The following KIAA1549L variants were observed in gnomAD, a reference collection of about 807,000 sequenced individuals.
KIAA1549L encodes the protein KIAA1549 like.
A neutral mutation model predicts 160.7 loss-of-function variants in KIAA1549L; 88 were observed. The ratio of observed to expected loss-of-function variants is 0.55; its 90% CI spans 0.46 to 0.65. The LOEUF (loss-of-function observed/expected upper bound fraction) is 0.65, where lower values mean the gene tolerates loss of function less well. Ranked by LOEUF, KIAA1549L falls within the 30% of genes least tolerant of loss-of-function variation. The pLI, the probability that KIAA1549L is intolerant of heterozygous loss-of-function variation, is 0.00. For synonymous variants in KIAA1549L, 950 were observed against 976.7 expected (o/e 0.97, Z 0.51); for missense variants, 2,258 against 2,437.5 (o/e 0.93, Z 1.55).
chr11:33,557,010 C>T (rs767354905), intron 6 of KIAA1549L, among the ~76,000 whole-genome samples: 39 of 152,168 alleles, frequency 2.6e-4, no homozygotes, highest in Non-Finnish European at 4.7e-4. Flanking sequence ...GTTTTAGAGG[C>T]AGGGTCTGGC....
Position 33,424,039 on chromosome 11 carries a change from A to G in KIAA1549L, c.238+47150A>G, listed in dbSNP as rs1851070587. 2.0e-5 allele frequency among the ~76,000 whole-genome samples: 3 copies of G among 151,958 alleles called. No individual in the cohort carries two copies. In the South Asian group the frequency reaches 6.2e-4, roughly 32 times the overall value. On this transcript the variant is annotated intron_variant, in intron 1 of 20. Transcript: ENST00000658780. ...ATGAGGCTCTGTCTTGGAAAAAAAA[A>G]AAAGAATTGGAAGAATTGTAACAGA... is the stretch of plus-strand genomic sequence containing the variant.
chr11:33,431,750 C>T (rs1395376050), intron 1 of KIAA1549L, among the ~76,000 whole-genome samples: 4 of 152,262 alleles, frequency 2.6e-5, no homozygotes, highest in African/African-American at 2.4e-5. Flanking sequence ...ACCTGCACTT[C>T]TCAGCCCTTG....
chr11:33,457,536 C>T (rs780173481), intron 1 of KIAA1549L, among the ~76,000 whole-genome samples: 17 of 152,232 alleles, frequency 1.1e-4, no homozygotes, highest in Non-Finnish European at 2.4e-4. Flanking sequence ...CCCAGGGGTT[C>T]GTGGTATTTC....
intron 1 of KIAA1549L, among the ~76,000 whole-genome samples, chr11:33,464,950 T>G (rs1381935470): frequency 6.6e-6 from 1 of 151,888 alleles, no homozygotes; most frequent in African/African-American, 2.4e-5. Flanking sequence ...TCTAAGAACA[T>G]GCCTTGGGTC....
chr11:33,554,680 C>T (rs544632253), intron 6 of KIAA1549L, among the ~76,000 whole-genome samples: 1 of 152,308 alleles, frequency 6.6e-6, no homozygotes, highest in South Asian at 2.1e-4. Context: ...CCTACTGTGC[C>T]CTTTCTGGGC....
At chr11:33,436,546 C>A (rs932727838) in intron 1 of KIAA1549L, among the ~76,000 whole-genome samples, 1 of 152,232 alleles carries the variant, frequency 6.6e-6, no homozygotes, top group Non-Finnish European at 1.5e-5. Context: ...CGCACAGACA[C>A]ACTCAGGAAG....
chr11:33,501,501 T>C (rs188584046), intron 1 of KIAA1549L, among the ~76,000 whole-genome samples: 243 of 152,338 alleles, frequency 1.6e-3, no homozygotes, highest in African/African-American at 5.6e-3. Context: ...CTGTATTTGG[T>C]AATCAGACAT....
chr11:33,591,628 C>T (rs1445757864), intron 12 of KIAA1549L, among the ~76,000 whole-genome samples: 2 of 152,216 alleles, frequency 1.3e-5, no homozygotes, highest in Non-Finnish European at 2.9e-5. Context: ...TTTTATGTCT[C>T]TGATAACCAC....
At chr11:33,576,954 G>C (rs1855470239) in intron 10 of KIAA1549L, among the ~76,000 whole-genome samples, 1 of 152,164 alleles carries the variant, frequency 6.6e-6, no homozygotes, top group Non-Finnish European at 1.5e-5. Context: ...GTGACATTTA[G>C]AGCTAAGGGA....
At chr11:33,478,806 G>A (rs559987353) in intron 1 of KIAA1549L, among the ~76,000 whole-genome samples, 15 of 152,194 alleles carry the variant, frequency 9.9e-5, no homozygotes, top group African/African-American at 3.1e-4. Flanking sequence ...GCACGATCTC[G>A]GCTCACTGCA....
chr11:33,407,668 C>T (rs1850695012), intron 1 of KIAA1549L, among the ~76,000 whole-genome samples: 1 of 152,102 alleles, frequency 6.6e-6, no homozygotes, highest in African/African-American at 2.4e-5. Flanking sequence ...TTAATTCCTT[C>T]AAACCACCCA....
chr11:33,586,815 T>C (rs1007524164), intron 11 of KIAA1549L, among the ~76,000 whole-genome samples: 2 of 152,148 alleles, frequency 1.3e-5, no homozygotes, highest in African/African-American at 4.8e-5. Flanking sequence ...CTCAGTTGCT[T>C]TATCTGTAAA....
At position 33,543,022 on chromosome 11, in the gene KIAA1549L, T is replaced by C. The variant is rs1590325254; in HGVS notation, c.1459T>C (p.Ser487Pro). The C allele has an allele frequency of 6.2e-7, 1 of 1,614,012 alleles. No homozygotes were observed. ...TTLGQEQAIL[S>P]GAVPASPSTG... is the part of the protein sequence containing the mutation. ...ACTGGGTCAAGAGCAAGCCATCCTT[T>C]CTGGGGCGGTTCCCGCATCACCATC... The change falls in exon 2 of 21, where the codon TCT becomes CCT. Residue 487 changes from serine to proline, a missense_variant. This residue lies in a region of KIAA1549L where 540 missense variants were observed against 465.7 expected (regional missense o/e 1.16). Coordinates refer to ENST00000658780, the MANE Select transcript of KIAA1549L (RefSeq NM_012194.3).
At chr11:33,526,981 T>A (rs1255318326) in intron 1 of KIAA1549L, among the ~76,000 whole-genome samples, 1 of 152,080 alleles carries the variant, frequency 6.6e-6, no homozygotes, top group Non-Finnish European at 1.5e-5. Context: ...CTTTTGGAAA[T>A]GAAAGACATA....
Position 33,435,802 on chromosome 11 carries a change from A to ATGTG in KIAA1549L, c.238+58914_238+58915insGTGT, listed in dbSNP as rs1197036690. ...TATATATATATATATATATATATATATATATATATGTGTGTGTATATATAT... is the reference window on the plus strand; with the variant it reads ...TATATATATATATATATATATATATATGTGTATATATATGTGTGTGTATATATAT... On this transcript the variant is annotated intron_variant, in intron 1 of 20. Coordinates refer to ENST00000658780, the MANE Select transcript of KIAA1549L (RefSeq NM_012194.3). Among the ~76,000 whole-genome samples, 7 of 16,466 alleles carry ATGTG rather than the reference A, an allele frequency of 4.3e-4. 1 individual carries two copies. Among genetic ancestry groups the ATGTG allele is most frequent in the African/African-American group, 2.4e-3 (6 of 2,532 alleles). The allele number at this position is 16,466 out of a possible 152,430, so 10.8% of individuals were successfully genotyped here.
chr11:33,435,116 C>G (rs1393964661), intron 1 of KIAA1549L, among the ~76,000 whole-genome samples: 1 of 152,136 alleles, frequency 6.6e-6, no homozygotes, highest in African/African-American at 2.4e-5. Context: ...AAAGATTAAT[C>G]ATAAAAGTTC....
Position 33,542,893 on chromosome 11 carries a change from T to G in KIAA1549L, c.1330T>G (p.Ser444Ala). ...GCTAGCCTCTGCCACTGCAAATGAC[T>G]CTGCTAACCCGCTGCATTTGTCAGC... is the stretch of plus-strand genomic sequence containing the variant. ...RKLASATANDSANPLHLSAAP... is the reference protein window; with the variant it reads ...RKLASATANDAANPLHLSAAP... The change falls in exon 2 of 21, where the codon TCT becomes GCT. Residue 444 changes from serine to alanine, a missense_variant. Physicochemically the swap from Ser to Ala is moderately conservative, Grantham distance 99. Around this residue, in one of 6 missense-constraint regions of KIAA1549L, gnomAD observed 540 missense variants for 465.7 expected, o/e 1.16. Transcript: ENST00000658780. The G allele has an allele frequency of 6.2e-7, 1 of 1,614,028 alleles. No homozygotes were observed. Among genetic ancestry groups the G allele is most frequent in the South Asian group, 1.1e-5 (1 of 91,078 alleles).
intron 1 of KIAA1549L, among the ~76,000 whole-genome samples, chr11:33,406,461 G>A (rs1850654981): frequency 6.6e-6 from 1 of 152,240 alleles, no homozygotes; most frequent in African/African-American, 2.4e-5. Context: ...GGGTGCCTCT[G>A]TTTTCAAATC....
At chr11:33,621,155 AAATAAATG>A in intron 16 of KIAA1549L, among the ~76,000 whole-genome samples, 1 of 152,358 alleles carries the variant, frequency 6.6e-6, no homozygotes, top group East Asian at 1.9e-4. Flanking sequence ...CTGAATGTAA[AAATAAATG>A]AATAAATGCA....
Sources: allele counts gnomAD v4.1 joint callset (sites outside exome capture counted in the v4.1 genomes callset), GRCh38; gene constraint gnomAD v4.1.1; regional missense constraint gnomAD v4.1.1; transcripts MANE v1.5; gene names NCBI Gene and HGNC (gene_info 2026-07-23, HGNC 2026-07-21).